Variants in SUCLG1 observed in about 807,000 individuals in gnomAD.
The protein encoded by SUCLG1 is succinate-CoA ligase GDP/ADP-forming subunit alpha, also known as succinate--CoA ligase [ADP/GDP-forming] subunit alpha, mitochondrial.
SUCLG1 carries 26 observed loss-of-function variants against 37.3 expected under a neutral mutation model. That is an observed-to-expected ratio of 0.70 (90% CI 0.51 to 0.97). The LOEUF (loss-of-function observed/expected upper bound fraction) is 0.97. Ranked by LOEUF, SUCLG1 falls within the 50% of genes least tolerant of loss-of-function variation. The pLI, the probability that SUCLG1 is intolerant of heterozygous loss-of-function variation, is 0.00. For synonymous variants in SUCLG1, 163 were observed against 155.6 expected (o/e 1.05, Z -0.36); for missense variants, 433 against 432.9 (o/e 1.00, Z 0.00).
In SUCLG1 at chr2:84,423,626, G is replaced by C; in HGVS notation, c.*120C>G. On this transcript the variant is annotated 3_prime_UTR_variant, in exon 9 of 9. Coordinates refer to ENST00000393868, the MANE Select transcript of SUCLG1 (RefSeq NM_003849.4). ...TTCCACCTTGTTTTGGCTTCCAGTTGTACTGCAAGACCAGTGTCAGGCACA... is the reference window on the plus strand; with the variant it reads ...TTCCACCTTGTTTTGGCTTCCAGTTCTACTGCAAGACCAGTGTCAGGCACA... 1.0e-6 allele frequency: 1 copy of C among 1,001,412 alleles called. No homozygotes were observed. The highest frequency in any genetic ancestry group is 1.5e-6 in the Non-Finnish European group (1 of 645,766). 62.0% of individuals were successfully genotyped at this position (1,001,412 alleles called of 1,614,324 possible).
At chr2:84,440,305 G>A (rs150065583) in intron 5 of SUCLG1, among the ~76,000 whole-genome samples, 127 of 152,272 alleles carry the variant, frequency 8.3e-4, no homozygotes, top group African/African-American at 2.8e-3. Context: ...CCTGGGAGGC[G>A]GAGGTGGGGG....
chr2:84,440,991 T>C, intron 5 of SUCLG1, 56 bp downstream of exon 5: 1 of 1,560,346 alleles, frequency 6.4e-7, no homozygotes, highest in Non-Finnish European at 8.8e-7. Flanking sequence ...TTGTGAGTTT[T>C]GAGGGTTTAA....
chr2:84,431,468 T>C (rs764863544), intron 7 of SUCLG1, 40 bp downstream of exon 7: 2 of 1,612,394 alleles, frequency 1.2e-6, no homozygotes, highest in African/African-American at 2.7e-5. Flanking sequence ...GCCTCTGATA[T>C]TAAGAGCAAA....
At chr2:84,435,627 A>G (rs1672676505) in intron 5 of SUCLG1, among the ~76,000 whole-genome samples, 1 of 152,206 alleles carries the variant, frequency 6.6e-6, no homozygotes, top group African/African-American at 2.4e-5. Context: ...CCCTGTGTGG[A>G]GATTTTAAAT....
intron 1 of SUCLG1, among the ~76,000 whole-genome samples, chr2:84,451,303 C>T (rs775556148): frequency 1.3e-5 from 2 of 152,158 alleles, no homozygotes; most frequent in Non-Finnish European, 2.9e-5. Context: ...CATATCATAC[C>T]ATATGTTTTC....
intron 5 of SUCLG1, among the ~76,000 whole-genome samples, chr2:84,434,563 C>T (rs960428195): frequency 6.6e-6 from 1 of 152,110 alleles, no homozygotes; most frequent in South Asian, 2.1e-4. Flanking sequence ...TATTCAAAGC[C>T]ACAATCTATG....
In SUCLG1 at chr2:84,443,087, C is replaced by T. The variant is rs143558184; in HGVS notation, c.318+197G>A. 680 of 609,296 alleles carry T rather than the reference C, an allele frequency of 1.1e-3. 2 individuals are homozygous for T. The African/African-American group carries it at 0.011, about 10-fold the overall frequency. 37.7% of individuals were successfully genotyped at this position (609,296 alleles called of 1,614,324 possible). On this transcript the variant is annotated intron_variant, in intron 3 of 8. Coordinates refer to ENST00000393868, the MANE Select transcript of SUCLG1 (RefSeq NM_003849.4). ...CAACAGAAGCCTGGCCACAGTACTT[C>T]CTCCCTTAATAGCTGATTCATACCT...
At chr2:84,459,103 G>C (rs1409102032) in intron 1 of SUCLG1, 70 bp downstream of exon 1, 1 of 1,475,802 alleles carries the variant, frequency 6.8e-7, no homozygotes, top group Non-Finnish European at 9.2e-7. Context: ...CCGCGGCCTG[G>C]GCCAGGAGGT....
intron 3 of SUCLG1, among the ~76,000 whole-genome samples, chr2:84,443,001 T>C (rs1672797771): frequency 1.3e-5 from 2 of 152,174 alleles, no homozygotes; most frequent in African/African-American, 4.8e-5. Flanking sequence ...TAAGGGGTGG[T>C]TGCTGACATT....
chr2:84,449,966 C>G (rs1471726107), intron 1 of SUCLG1, among the ~76,000 whole-genome samples: 1 of 152,030 alleles, frequency 6.6e-6, no homozygotes, highest in Non-Finnish European at 1.5e-5. Context: ...TCTCCAGGAT[C>G]CTCTCTTTAT....
intron 5 of SUCLG1, among the ~76,000 whole-genome samples, chr2:84,439,103 C>T (rs10186999): frequency 0.91 from 137,561 of 151,938 alleles, 62,488 homozygotes; most frequent in East Asian, 0.99. Flanking sequence ...TGCGAAGGTC[C>T]GCGGCTTCAT....
rs560978653 is a variant in SUCLG1, at chr2:84,449,549, C to T, written c.201+100G>A. The T allele has an allele frequency of 1.9e-5, 16 of 833,502 alleles. No individual in the cohort carries two copies. In the East Asian group the frequency reaches 2.7e-4, roughly 14 times the overall value. 51.6% of individuals were successfully genotyped at this position (833,502 alleles called of 1,614,324 possible). The stretch of plus-strand genomic sequence containing the variant: ...CATTGCTGTACAGTATATTTTTCTG[C>T]AACAATCATGTGTTATTTTTGAGAT... On this transcript the variant is annotated intron_variant, in intron 2 of 8. Transcript: ENST00000393868.
At position 84,459,200 on chromosome 2, in the gene SUCLG1, C is replaced by G. The variant is rs769982373; in HGVS notation, c.70G>C (p.Ala24Pro). 5.2e-6 allele frequency: 8 copies of G among 1,549,974 alleles called. No individual in the cohort carries two copies. Among genetic ancestry groups the G allele is most frequent in the Non-Finnish European group, 7.0e-6 (8 of 1,146,624 alleles). ...AGGAAGCTGCGCGACAGGAGACGGGCGGCGGCGAGGCCGCTGCTGCCGGAG... is the reference window on the plus strand; with the variant it reads ...AGGAAGCTGCGCGACAGGAGACGGGGGGCGGCGAGGCCGCTGCTGCCGGAG... The part of the protein sequence containing the change: ...MVSGSSGLAA[A>P]RLLSRSFLLP... Residue 24 changes from alanine (A) to proline (P), a missense_variant, in exon 1 of 9, where the codon GCC becomes CCC. By Grantham distance (27) the Ala-to-Pro change is conservative. Coordinates refer to ENST00000393868, the MANE Select transcript of SUCLG1 (RefSeq NM_003849.4).
intron 3 of SUCLG1, among the ~76,000 whole-genome samples, chr2:84,442,618 G>A (rs1161901813): frequency 6.6e-6 from 1 of 152,058 alleles, no homozygotes; most frequent in African/African-American, 2.4e-5. Context: ...TGTATCGTCT[G>A]AATTTTTACA....
At chr2:84,444,748 G>GC (rs1045667482) in intron 2 of SUCLG1, among the ~76,000 whole-genome samples, 5 of 152,044 alleles carry the variant, frequency 3.3e-5, no homozygotes, top group Non-Finnish European at 7.4e-5. Flanking sequence ...AAAGATGGCC[G>GC]CCCCCCGAAG....
intron 1 of SUCLG1, among the ~76,000 whole-genome samples, chr2:84,456,258 A>G (rs1291650828): frequency 6.6e-6 from 1 of 152,210 alleles, no homozygotes; most frequent in African/African-American, 2.4e-5. Context: ...GAGCTTCGAA[A>G]AAAGCTTAAG....
At chr2:84,457,053 C>A (rs1673031770) in intron 1 of SUCLG1, among the ~76,000 whole-genome samples, 1 of 152,130 alleles carries the variant, frequency 6.6e-6, no homozygotes, top group African/African-American at 2.4e-5. Flanking sequence ...TAACTCTAAT[C>A]AATATTGCAA....
chr2:84,430,408 T>C lies in SUCLG1; in HGVS notation c.825+1100A>G, dbSNP rs1053523500. On this transcript the variant is annotated intron_variant, in intron 7 of 8. Transcript: ENST00000393868. ...TTCTAAGTGACAGACAGGAGCCTGA[T>C]TGCTGAGGATTCAAGAATGAATGAA... Among the ~76,000 whole-genome samples the C allele has an allele frequency of 3.3e-5, 5 of 152,166 alleles. No individual in the cohort carries two copies. In the East Asian group the frequency reaches 5.8e-4, roughly 18 times the overall value.
At chr2:84,448,184 C>A (rs13010383) in intron 2 of SUCLG1, among the ~76,000 whole-genome samples, 3,456 of 124,812 alleles carry the variant, frequency 0.028, 80 homozygotes, top group Middle Eastern at 0.11. Flanking sequence ...AAAAAAAAAA[C>A]AAAAAACAAA....
Sources: gnomAD v4.1 joint callset for allele counts (sites outside exome capture counted in the v4.1 genomes callset) on GRCh38, gnomAD v4.1.1 for gene constraint, MANE v1.5 for transcripts, NCBI Gene and HGNC (gene_info 2026-07-23, HGNC 2026-07-21) for gene names.